FOXN3: variants seen among roughly 807,000 people sequenced by gnomAD.
The protein encoded by FOXN3 is forkhead box N3.
In FOXN3, 7 loss-of-function variants were observed where a neutral mutation model predicts 38.4. The ratio of observed to expected loss-of-function variants is 0.18; its 90% CI spans 0.10 to 0.34. The LOEUF (loss-of-function observed/expected upper bound fraction) is 0.34. Ranked by LOEUF, FOXN3 falls within the 10% of genes least tolerant of loss-of-function variation. The pLI is 1.00. For synonymous variants in FOXN3, 230 were observed against 242.2 expected (o/e 0.95, Z 0.47); for missense variants, 456 against 613.4 (o/e 0.74, Z 2.71).
intron 1 of FOXN3, among the ~76,000 whole-genome samples, chr14:89,532,927 G>C (rs1447840052): frequency 1.2e-4 from 18 of 152,154 alleles, no homozygotes; most frequent in Non-Finnish European, 1.5e-5. Context: ...AGACCTGAGA[G>C]ATACATTAAA....
intron 1 of FOXN3, among the ~76,000 whole-genome samples, chr14:89,541,341 A>T (rs984645103): frequency 6.6e-6 from 1 of 152,188 alleles, no homozygotes; most frequent in African/African-American, 2.4e-5. Flanking sequence ...ACAGGAGGTC[A>T]GCACAAGATA....
At chr14:89,424,336 T>C (rs1167344092) in intron 1 of FOXN3, among the ~76,000 whole-genome samples, 6 of 152,218 alleles carry the variant, frequency 3.9e-5, no homozygotes, top group Non-Finnish European at 5.9e-5. Flanking sequence ...GGCAAAGCGC[T>C]TCACAAAATT....
intron 2 of FOXN3, among the ~76,000 whole-genome samples, chr14:89,396,272 G>T (rs1891095940): frequency 6.6e-6 from 1 of 152,182 alleles, no homozygotes; most frequent in Non-Finnish European, 1.5e-5. Flanking sequence ...AATAACACCA[G>T]TTTATGTCCA....
At chr14:89,260,564 C>T (rs948254232) in intron 4 of FOXN3, among the ~76,000 whole-genome samples, 26 of 152,236 alleles carry the variant, frequency 1.7e-4, no homozygotes, top group African/African-American at 4.8e-4. Flanking sequence ...GTCATGTGTA[C>T]GGCAATGGGC....
chr14:89,199,795 T>C (rs1888189295), intron 4 of FOXN3, among the ~76,000 whole-genome samples: 2 of 151,850 alleles, frequency 1.3e-5, no homozygotes, highest in Admixed American at 6.6e-5. Context: ...TCCCAGCTAC[T>C]TGGGAGGCTG....
chr14:89,525,773 TG>T (rs1894421019), intron 1 of FOXN3, among the ~76,000 whole-genome samples: 1 of 148,938 alleles, frequency 6.7e-6, no homozygotes, highest in South Asian at 2.1e-4. Flanking sequence ...CTTTATTCTA[TG>T]AGTCCAGGAT....
intron 1 of FOXN3, among the ~76,000 whole-genome samples, chr14:89,568,867 G>A (rs896090821): frequency 8.5e-5 from 13 of 152,192 alleles, no homozygotes; most frequent in African/African-American, 2.9e-4. Context: ...GGATGGTTTG[G>A]CCCTTTCTTA....
chr14:89,584,508 TGA>T (rs1566709082), intron 1 of FOXN3, among the ~76,000 whole-genome samples: 2 of 152,194 alleles, frequency 1.3e-5, no homozygotes, highest in African/African-American at 2.4e-5. Context: ...CAGCAGAGTA[TGA>T]GAGTTTCCGT....
intron 3 of FOXN3, among the ~76,000 whole-genome samples, chr14:89,333,992 A>G (rs369254471): frequency 9.0e-5 from 4 of 44,216 alleles, no homozygotes; most frequent in Admixed American, 2.5e-4. Context: ...ATATATATAT[A>G]TATATATATA....
intron 2 of FOXN3, among the ~76,000 whole-genome samples, chr14:89,377,204 G>A (rs564073274): frequency 1.4e-4 from 21 of 151,644 alleles, no homozygotes; most frequent in South Asian, 4.2e-4. Flanking sequence ...AAAAAAAGTC[G>A]GTGTCATCAG....
chr14:89,270,346 A>C (rs1886110574), intron 4 of FOXN3, among the ~76,000 whole-genome samples: 1 of 152,242 alleles, frequency 6.6e-6, no homozygotes, highest in African/African-American at 2.4e-5. Flanking sequence ...CGGGGGTGGA[A>C]GGTACTGAAC....
chr14:89,162,648 C>G lies in FOXN3; in HGVS notation c.1173G>C (p.Gly391=), dbSNP rs150209397. 1.9e-6 allele frequency: 3 copies of G among 1,613,764 alleles called. No homozygotes were observed. The African/African-American group carries it at 4.0e-5, about 22-fold the overall frequency. Residue 391 remains glycine, a synonymous_variant, in exon 6 of 6, where the codon GGG becomes GGC. Transcript: ENST00000557258. This position sits in a 1 kb window ranked among gnomAD's most constrained non-coding sequence, Gnocchi z 7.2. ...GGCGCTTCTTGTGCTGGGATGCGTA[C>G]CCGCTGTCCCCCAGAGAATCCTTGG... The part of the protein sequence containing the change: ...KEPKDSLGDS[G]YASQHKKRQH...
At chr14:89,215,411 G>C (rs912505316) in intron 4 of FOXN3, among the ~76,000 whole-genome samples, 3 of 151,612 alleles carry the variant, frequency 2.0e-5, no homozygotes, top group Non-Finnish European at 4.4e-5. Context: ...TCTTTACAGA[G>C]AGACATACTG....
At chr14:89,605,315 T>A (rs1896248734) in intron 1 of FOXN3, among the ~76,000 whole-genome samples, 1 of 152,132 alleles carries the variant, frequency 6.6e-6, no homozygotes. Context: ...TAGGCTTTGA[T>A]AAGTATGCAT....
chr14:89,251,052 T>A (rs1489271727), intron 4 of FOXN3, among the ~76,000 whole-genome samples: 3 of 152,216 alleles, frequency 2.0e-5, no homozygotes, highest in Admixed American at 6.5e-5. Context: ...CAGCACTGAC[T>A]GGAAAAAATT....
chr14:89,269,938 T>A (rs1686478539), intron 4 of FOXN3, among the ~76,000 whole-genome samples: 1 of 152,228 alleles, frequency 6.6e-6, no homozygotes, highest in Admixed American at 6.5e-5. Context: ...AGAGCTGTTC[T>A]CCTGCCTCAC....
intron 1 of FOXN3, among the ~76,000 whole-genome samples, chr14:89,559,042 T>C (rs1895190663): frequency 6.6e-6 from 1 of 152,162 alleles, no homozygotes; most frequent in Non-Finnish European, 1.5e-5. Flanking sequence ...GTTTTTGTTT[T>C]TTTTTTAACA....
intron 1 of FOXN3, among the ~76,000 whole-genome samples, chr14:89,457,843 T>A (rs1219126098): frequency 6.6e-6 from 1 of 151,704 alleles, no homozygotes; most frequent in African/African-American, 2.4e-5. Context: ...AGAAACCCCA[T>A]CTCTACTAAA....
intron 1 of FOXN3, among the ~76,000 whole-genome samples, chr14:89,414,646 C>A (rs1196595285): frequency 6.6e-6 from 1 of 151,652 alleles, no homozygotes; most frequent in Non-Finnish European, 1.5e-5. Context: ...CCCTGCCTCC[C>A]AGGTTCAAGA....
Sources: allele counts gnomAD v4.1 joint callset (sites outside exome capture counted in the v4.1 genomes callset), GRCh38; gene constraint gnomAD v4.1.1; non-coding constraint Gnocchi (gnomAD v3.1); transcripts MANE v1.5; gene names NCBI Gene and HGNC (gene_info 2026-07-23, HGNC 2026-07-21).